The following KLF12 variants were observed in gnomAD, a reference collection of about 807,000 sequenced individuals.
KLF12 encodes KLF transcription factor 12.
In KLF12, 9 loss-of-function variants were observed where a neutral mutation model predicts 37.8. The ratio of observed to expected loss-of-function variants is 0.24; its 90% CI spans 0.14 to 0.42. KLF12 has a LOEUF of 0.42. KLF12 is among the 10% of genes least tolerant of loss of function. The probability of loss-of-function intolerance (pLI) is 1.00; values close to 1 mark genes in which losing one functional copy is unlikely to be tolerated. For missense variants in KLF12, 411 were observed against 516.0 expected, an observed-to-expected ratio of 0.80 and a Z score of 1.97; for synonymous variants, 208 against 202.1, an observed-to-expected ratio of 1.03 and a Z score of -0.25.
In KLF12 at chr13:73,715,527, T is replaced by C; in HGVS notation, c.870-2A>G. Reference sequence around the variant, plus strand: ...TCAATACTAAATGGTGAAATTGAACTGGAAAAAGAAAAAGTGGAGTTACAC... The same window carrying C: ...TCAATACTAAATGGTGAAATTGAACCGGAAAAAGAAAAAGTGGAGTTACAC... On this transcript the variant is annotated splice_acceptor_variant, in intron 6 of 7. Transcript: ENST00000377669. LOFTEE classifies it high-confidence loss of function. The C allele has an allele frequency of 6.2e-7, 1 of 1,611,328 alleles. No individual in the cohort carries two copies. The highest frequency in any genetic ancestry group is 8.5e-7 in the Non-Finnish European group (1 of 1,179,160).
At chr13:73,906,801 T>C (rs1164289803) in intron 3 of KLF12, among the ~76,000 whole-genome samples, 2 of 152,192 alleles carry the variant, frequency 1.3e-5, no homozygotes, top group East Asian at 3.9e-4. Context: ...AGCGAGGGGA[T>C]TTCTGTCTGC....
chr13:74,163,695 T>C, the KLF12 span, among the ~76,000 whole-genome samples: 3 of 152,080 alleles, frequency 2.0e-5, no homozygotes, highest in Non-Finnish European at 4.4e-5. Context: ...AATAACTTAA[T>C]TGCATATTTC....
the KLF12 span, among the ~76,000 whole-genome samples, chr13:74,161,460 A>G: frequency 6.6e-6 from 1 of 152,182 alleles, no homozygotes; most frequent in African/African-American, 2.4e-5. Flanking sequence ...AGATGAAGAC[A>G]GAAGTTAGAG....
chr13:74,083,747 G>A (rs1264817066), intron 1 of KLF12, among the ~76,000 whole-genome samples: 1 of 152,138 alleles, frequency 6.6e-6, no homozygotes, highest in Non-Finnish European at 1.5e-5. Flanking sequence ...AATTTCATAG[G>A]TTCAACGGTT....
chr13:73,847,906 C>G (rs1327257959), intron 3 of KLF12, among the ~76,000 whole-genome samples: 1 of 152,156 alleles, frequency 6.6e-6, no homozygotes, highest in Admixed American at 6.5e-5. Context: ...AACAGTATTT[C>G]AATTTCAGCA....
intron 1 of KLF12, among the ~76,000 whole-genome samples, chr13:74,102,434 A>C (rs1487031243): frequency 6.6e-6 from 1 of 152,000 alleles, no homozygotes; most frequent in Non-Finnish European, 1.5e-5. Context: ...GCAGTGGCTC[A>C]TACCTGTAAT....
At chr13:73,933,551 C>A (rs1889783256) in intron 3 of KLF12, among the ~76,000 whole-genome samples, 1 of 152,100 alleles carries the variant, frequency 6.6e-6, no homozygotes, top group South Asian at 2.1e-4. Flanking sequence ...TGGCTAAACA[C>A]GAATAGTCTC....
intron 6 of KLF12, among the ~76,000 whole-genome samples, chr13:73,754,216 GCTT>G (rs1878985553): frequency 6.6e-6 from 1 of 152,252 alleles, no homozygotes; most frequent in Admixed American, 6.5e-5. Context: ...TGCTACCCAG[GCTT>G]CTTTCCATTT....
the KLF12 span, among the ~76,000 whole-genome samples, chr13:74,254,095 A>G: frequency 4.6e-5 from 7 of 152,090 alleles, no homozygotes; most frequent in Non-Finnish European, 1.0e-4. Context: ...TTAACCCTTC[A>G]TGCATAATTA....
intron 1 of KLF12, among the ~76,000 whole-genome samples, chr13:74,082,163 T>TAAAAAAAAAAAAAAAAAAAAA (rs57156299): frequency 9.3e-4 from 107 of 114,670 alleles, no homozygotes; most frequent in African/African-American, 3.6e-3. Flanking sequence ...CCCTGTCTCT[T>TAAAAAAAAAAAAAAAAAAAAA]AAAAAAAAAA....
intron 1 of KLF12, among the ~76,000 whole-genome samples, chr13:74,128,826 T>TC (rs1198110047): frequency 1.3e-5 from 2 of 152,154 alleles, no homozygotes; most frequent in Non-Finnish European, 2.9e-5. Flanking sequence ...AGACTGTTTT[T>TC]CCCCCTTTTT....
At chr13:74,299,392 A>C in the KLF12 span, among the ~76,000 whole-genome samples, 1 of 152,192 alleles carries the variant, frequency 6.6e-6, no homozygotes, top group African/African-American at 2.4e-5. Flanking sequence ...ATATGCTTTC[A>C]CAATATTTTT....
intron 2 of KLF12, among the ~76,000 whole-genome samples, chr13:73,982,176 G>A (rs776097410): frequency 3.9e-5 from 6 of 152,178 alleles, no homozygotes; most frequent in Non-Finnish European, 7.3e-5. Context: ...ACTAGGATTT[G>A]CTTTATTAAG....
chr13:74,303,135 T>G, the KLF12 span, among the ~76,000 whole-genome samples: 1 of 152,184 alleles, frequency 6.6e-6, no homozygotes, highest in Admixed American at 6.5e-5. Context: ...AACCATACTT[T>G]CTTCCTACAC....
At chr13:74,094,207 A>C (rs915420495) in intron 1 of KLF12, among the ~76,000 whole-genome samples, 2 of 152,220 alleles carry the variant, frequency 1.3e-5, no homozygotes, top group Non-Finnish European at 2.9e-5. Context: ...AATCTCATTT[A>C]TCTACTTGAA....
intron 1 of KLF12, among the ~76,000 whole-genome samples, chr13:74,066,904 C>T (rs1360882198): frequency 6.6e-6 from 1 of 152,086 alleles, no homozygotes; most frequent in Non-Finnish European, 1.5e-5. Flanking sequence ...AGCAAATAAA[C>T]AATAGGTACT....
At chr13:74,213,288 G>T in the KLF12 span, among the ~76,000 whole-genome samples, 1 of 151,880 alleles carries the variant, frequency 6.6e-6, no homozygotes, top group South Asian at 2.1e-4. Context: ...GGCTGTGATT[G>T]TAAGTAATTA....
At chr13:73,862,405 G>A (rs1317517462) in intron 3 of KLF12, among the ~76,000 whole-genome samples, 1 of 152,098 alleles carries the variant, frequency 6.6e-6, no homozygotes, top group African/African-American at 2.4e-5. Context: ...GTGGTTCTAA[G>A]GCATTAAGTG....
At chr13:74,165,580 T>A in the KLF12 span, among the ~76,000 whole-genome samples, 1 of 152,118 alleles carries the variant, frequency 6.6e-6, no homozygotes, top group Non-Finnish European at 1.5e-5. Context: ...ATTACAGGAG[T>A]GAGCCACCAC....
Sources: gnomAD v4.1 joint callset for allele counts (sites outside exome capture counted in the v4.1 genomes callset) on GRCh38, gnomAD v4.1.1 for gene constraint, MANE v1.5 for transcripts, NCBI Gene and HGNC (gene_info 2026-07-23, HGNC 2026-07-21) for gene names.